PHKG2: variants seen among roughly 807,000 people sequenced by gnomAD.
PHKG2 encodes phosphorylase b kinase gamma catalytic chain, liver/testis isoform.
In PHKG2, 28 loss-of-function variants were observed where a neutral mutation model predicts 44.5. The observed-to-expected ratio is 0.63, with a 90% CI of 0.47 to 0.86. The LOEUF (loss-of-function observed/expected upper bound fraction) is 0.86, where lower values mean the gene tolerates loss of function less well. Among genes scored for constraint, PHKG2 ranks in the 40% least tolerant of loss-of-function variants. The pLI, the probability that PHKG2 is intolerant of heterozygous loss-of-function variation, is 0.00. For synonymous variants in PHKG2, 220 were observed against 211.2 expected, an observed-to-expected ratio of 1.04 and a Z score of -0.36; for missense variants, 498 against 547.5, an observed-to-expected ratio of 0.91 and a Z score of 0.90.
intron 4 of PHKG2, 77 bp downstream of exon 4, chr16:30,751,680 G>C (rs1162470234): frequency 8.4e-7 from 1 of 1,197,428 alleles, no homozygotes. Flanking sequence ...GGTGCAGTGG[G>C]CTGGACCCAT....
chr16:30,749,184 C>G (rs1310632282), intron 2 of PHKG2, among the ~76,000 whole-genome samples: 5 of 60,810 alleles, frequency 8.2e-5, no homozygotes, highest in African/African-American at 2.0e-4. Context: ...GGTGGTGGTG[C>G]TGGTGGTGGT....
Position 30,756,640 on chromosome 16 carries a change from G to T in PHKG2, c.852G>T (p.Gln284His). Residue 284 changes from glutamine to histidine, a missense_variant, in exon 9 of 10, where the codon CAG (glutamine) becomes CAT (histidine). Coordinates refer to ENST00000563588, the MANE Select transcript of PHKG2 (RefSeq NM_000294.3). ...VDPEARLTAE[Q>H]ALQHPFFERC... Reference sequence around the variant, plus strand: ...CTGAGGCACGCCTGACAGCTGAGCAGGCCCTACAGCACCCCTTCTTTGAGC... The same window carrying T: ...CTGAGGCACGCCTGACAGCTGAGCATGCCCTACAGCACCCCTTCTTTGAGC... 1 of 1,614,066 alleles carries T rather than the reference G, an allele frequency of 6.2e-7. No individual in the cohort carries two copies. Among genetic ancestry groups the T allele is most frequent in the Non-Finnish European group, 8.5e-7 (1 of 1,180,030 alleles).
intron 6 of PHKG2, among the ~76,000 whole-genome samples, chr16:30,754,156 TTTTTTTC>T (rs1269492118): frequency 2.6e-5 from 4 of 151,438 alleles, no homozygotes; most frequent in African/African-American, 4.9e-5. Context: ...CACCAGTCTT[TTTTTTTC>T]TTTTTTCTTT....
At chr16:30,756,123 G>T in intron 6 of PHKG2, 59 bp from the exon 7 acceptor site, 5 of 1,273,386 alleles carry the variant, frequency 3.9e-6, no homozygotes, top group Non-Finnish European at 5.8e-6. Context: ...CAGAGATCCA[G>T]TGCTAAGGGC....
chr16:30,753,336 G>A (rs1296677891), intron 5 of PHKG2, 39 bp downstream of exon 5: 2 of 1,613,544 alleles, frequency 1.2e-6, no homozygotes, highest in African/African-American at 2.7e-5. Context: ...TGAGCAGGGG[G>A]TGGGACAGGG....
At position 30,759,091 on chromosome 16, in the gene PHKG2, T is replaced by G. The variant is rs769758772; in HGVS notation, c.*1994T>G. On this transcript the variant is annotated 3_prime_UTR_variant, in exon 10 of 10. Transcript: ENST00000563588. ...CTGCCTGCTCCTCCATCTCCTTGCT[T>G]TCTTCTTTCTCTGCAAACCAGAAGC... is the stretch of plus-strand genomic sequence containing the variant. The G allele has an allele frequency of 1.9e-6, 3 of 1,614,198 alleles. No individual in the cohort carries two copies. The highest frequency in any genetic ancestry group is 2.5e-6 in the Non-Finnish European group (3 of 1,180,042).
chr16:30,750,128 C>A (rs1387315303), intron 2 of PHKG2, among the ~76,000 whole-genome samples: 2 of 151,834 alleles, frequency 1.3e-5, no homozygotes, highest in African/African-American at 2.4e-5. Flanking sequence ...GTGAAGTGGC[C>A]AAGAGTAAGA....
rs747311389 is a variant in PHKG2 at position 30,759,652 on chromosome 16, A to C, written c.*2555A>C. ...TTTCCAGAATGTTCCAGGGGAACTGACCCTGACTCCATGGCAAAAAAGGAC... is the reference window on the plus strand; with the variant it reads ...TTTCCAGAATGTTCCAGGGGAACTGCCCCTGACTCCATGGCAAAAAAGGAC... On this transcript the variant is annotated 3_prime_UTR_variant, in exon 10 of 10. Coordinates refer to ENST00000563588, the MANE Select transcript of PHKG2 (RefSeq NM_000294.3). 6 of 1,613,882 alleles carry C rather than the reference A, an allele frequency of 3.7e-6. No homozygotes were observed. Among genetic ancestry groups the C allele is most frequent in the Admixed American group, 1.7e-5 (1 of 60,004 alleles).
chr16:30,759,217 C>A lies in PHKG2; in HGVS notation c.*2120C>A. 1 of 1,614,158 alleles carries A rather than the reference C, an allele frequency of 6.2e-7. No individual in the cohort carries two copies. Among genetic ancestry groups the A allele is most frequent in the Non-Finnish European group, 8.5e-7 (1 of 1,180,026 alleles). ...GGCCACAGTTTGGGTGGCTGTAGCC[C>A]CATGTAAGTCAAAGACAGATCCAGC... On this transcript the variant is annotated 3_prime_UTR_variant, in exon 10 of 10. Coordinates refer to ENST00000563588, the MANE Select transcript of PHKG2 (RefSeq NM_000294.3).
chr16:30,759,198 A>G lies in PHKG2; in HGVS notation c.*2101A>G. The G allele has an allele frequency of 6.2e-7, 1 of 1,614,116 alleles. No homozygotes were observed. Among genetic ancestry groups the G allele is most frequent in the Non-Finnish European group, 8.5e-7 (1 of 1,180,020 alleles). ...CTTACCCGTCTCACTCTCTGGCCAC[A>G]GTTTGGGTGGCTGTAGCCCCATGTA... On this transcript the variant is annotated 3_prime_UTR_variant, in exon 10 of 10. Coordinates refer to ENST00000563588, the MANE Select transcript of PHKG2 (RefSeq NM_000294.3).
rs1472563433 is a variant in PHKG2 at position 30,757,607 on chromosome 16, CTT to C, written c.*512_*513del. The C allele has an allele frequency of 1.2e-6, 2 of 1,614,182 alleles. No individual in the cohort carries two copies. The highest frequency in any genetic ancestry group is 1.3e-5 in the African/African-American group (1 of 75,060). Reference sequence around the variant, plus strand: ...ACCAGCCCCTGGAGCTGCTCCAGCTCTTTGTTCACTTGGGTCTTGATGTAGGC... The same window carrying C: ...ACCAGCCCCTGGAGCTGCTCCAGCTCTGTTCACTTGGGTCTTGATGTAGGC... On this transcript the variant is annotated 3_prime_UTR_variant, in exon 10 of 10. Transcript: ENST00000563588.
intron 6 of PHKG2, 79 bp from the exon 7 acceptor site, chr16:30,756,103 G>A (rs2053421488): frequency 9.4e-7 from 1 of 1,061,146 alleles, no homozygotes; most frequent in East Asian, 2.4e-5. Flanking sequence ...CAGCGTTGAG[G>A]AGGCTCCAGC....
At position 30,756,791 on chromosome 16, in the gene PHKG2, C is replaced by T. The variant is rs2053435421; in HGVS notation, c.928-13C>T. ...TTCCCCTGCACTAGAGCTCACCCTG[C>T]CCCCCTTCCCAGGTGGCAGTGTGGA... On this transcript the variant is annotated splice_polypyrimidine_tract_variant and intron_variant, in intron 9 of 9. Coordinates refer to ENST00000563588, the MANE Select transcript of PHKG2 (RefSeq NM_000294.3). 3.1e-6 allele frequency: 5 copies of T among 1,614,094 alleles called. No homozygotes were observed. Among genetic ancestry groups the T allele is most frequent in the Non-Finnish European group, 4.2e-6 (5 of 1,180,022 alleles).
At chr16:30,753,112 GTT>G (rs1382654427) in intron 4 of PHKG2, 118 bp from the exon 5 acceptor site, 1 of 826,650 alleles carries the variant, frequency 1.2e-6, no homozygotes, top group Non-Finnish European at 2.0e-6. Flanking sequence ...AGACCCTTTG[GTT>G]TGTCTGCAGA....
rs1290420052 is a variant in PHKG2, at chr16:30,756,090, T to C, written c.557-92T>C. On this transcript the variant is annotated intron_variant, in intron 6 of 9. Transcript: ENST00000563588. ...AGGAAGATGGGAACACTGGTAGTCCTGGCAGCGTTGAGGAGGCTCCAGCAG... is the reference window on the plus strand; with the variant it reads ...AGGAAGATGGGAACACTGGTAGTCCCGGCAGCGTTGAGGAGGCTCCAGCAG... 7 of 944,120 alleles carry C rather than the reference T, an allele frequency of 7.4e-6. No individual in the cohort carries two copies. The Admixed American group carries it at 1.0e-4, about 14-fold the overall frequency. The allele number at this position is 944,120 out of a possible 1,614,324, so 58.5% of individuals were successfully genotyped here.
intron 4 of PHKG2, chr16:30,752,961 C>T: frequency 1.9e-6 from 1 of 514,368 alleles, no homozygotes; most frequent in Non-Finnish European, 3.5e-6. Context: ...GGCATAGTTA[C>T]TCTCAACAAG....
At position 30,757,605 on chromosome 16, in the gene PHKG2, C is replaced by T; in HGVS notation, c.*508C>T. On this transcript the variant is annotated 3_prime_UTR_variant, in exon 10 of 10. Transcript: ENST00000563588. The stretch of plus-strand genomic sequence containing the variant: ...CCACCAGCCCCTGGAGCTGCTCCAG[C>T]TCTTTGTTCACTTGGGTCTTGATGT... 1 of 1,614,158 alleles carries T rather than the reference C, an allele frequency of 6.2e-7. No individual in the cohort carries two copies. Among genetic ancestry groups the T allele is most frequent in the Non-Finnish European group, 8.5e-7 (1 of 1,180,002 alleles).
At position 30,748,879 on chromosome 16, in the gene PHKG2, T is replaced by G; in HGVS notation, c.59T>G (p.Phe20Cys). Residue 20 changes from phenylalanine (F) to cysteine (C), a missense_variant, in exon 2 of 10, where the codon TTT becomes TGT. Transcript: ENST00000563588. ...ELPDWAAAKE[F>C]YQKYDPKDVI... ...CCCGACTGGGCCGCCGCCAAAGAGT[T>G]TTACCAGAAGTACGACCCTAAGGAC... 1 of 1,554,810 alleles carries G rather than the reference T, an allele frequency of 6.4e-7. No individual in the cohort carries two copies. Among genetic ancestry groups the G allele is most frequent in the Non-Finnish European group, 8.7e-7 (1 of 1,148,678 alleles).
In PHKG2 at chr16:30,756,246, C is replaced by T; in HGVS notation, c.621C>T (p.His207=). 6.2e-7 allele frequency: 1 copy of T among 1,614,168 alleles called. No homozygotes were observed. Among genetic ancestry groups the T allele is most frequent in the South Asian group, 1.1e-5 (1 of 91,084 alleles). The change falls in exon 7 of 10, where the codon CAC becomes CAT. Residue 207 remains histidine, a synonymous_variant. Transcript: ENST00000563588. ...TTAAATGCTCCATGGATGAAACCCACCCAGGCTATGGCAAGGAGGTCGACC... is the reference window on the plus strand; with the variant it reads ...TTAAATGCTCCATGGATGAAACCCATCCAGGCTATGGCAAGGAGGTCGACC... ...EILKCSMDET[H]PGYGKEVDLW...
Sources: allele counts gnomAD v4.1 joint callset (sites outside exome capture counted in the v4.1 genomes callset), GRCh38; gene constraint gnomAD v4.1.1; transcripts MANE v1.5; gene names NCBI Gene and HGNC (gene_info 2026-07-23, HGNC 2026-07-21).